VIT: variants seen among roughly 807,000 people sequenced by gnomAD.
The protein encoded by VIT is vitrin.
Under a neutral mutation model 78.0 loss-of-function variants are expected in VIT, and 99 were observed. The ratio of observed to expected loss-of-function variants is 1.27; its 90% confidence interval spans 1.08 to 1.50. The LOEUF is 1.50. Among genes scored for constraint, VIT ranks in the 40% most tolerant of loss-of-function variants. VIT has a pLI of 0.00. For missense variants in VIT, 1,126 were observed against 875.3 expected (o/e 1.29, Z -3.61); for synonymous variants, 374 against 334.3 (o/e 1.12, Z -1.29).
chr2:36,795,606 G>A (rs181180435), intron 12 of VIT, among the ~76,000 whole-genome samples: 2 of 151,774 alleles, frequency 1.3e-5, no homozygotes, highest in African/African-American at 4.8e-5. Flanking sequence ...GTGGAGACTG[G>A]GTTTCATCAT....
rs377013854 is a variant in VIT, at chr2:36,711,903, A to T, written c.-18-4450A>T. On this transcript the variant is annotated intron_variant, in intron 1 of 15. Coordinates refer to ENST00000379242, the MANE Select transcript of VIT (RefSeq NM_053276.4). ...GCTTCATTTGCCTCACCAGAACTAC[A>T]TATTTGGGATTCTTTATGTTATATC... Among the ~76,000 whole-genome samples the T allele has an allele frequency of 1.9e-3, 293 of 152,312 alleles. 2 individuals are homozygous for T. In the South Asian group the frequency reaches 0.022, roughly 12 times the overall value.
At chr2:36,755,137 T>C in intron 5 of VIT, 83 bp downstream of exon 5, 1 of 1,412,346 alleles carries the variant, frequency 7.1e-7, no homozygotes, top group Non-Finnish European at 9.4e-7. Flanking sequence ...GGTTTTTGTT[T>C]ATGGCCCACC....
At chr2:36,712,954 C>G (rs1331528817) in intron 1 of VIT, among the ~76,000 whole-genome samples, 1 of 152,226 alleles carries the variant, frequency 6.6e-6, no homozygotes, top group Non-Finnish European at 1.5e-5. Flanking sequence ...GCTCATTACT[C>G]ACACATTGAT....
At chr2:36,752,653 A>G (rs1221974165) in intron 4 of VIT, among the ~76,000 whole-genome samples, 1 of 151,346 alleles carries the variant, frequency 6.6e-6, no homozygotes, top group Non-Finnish European at 1.5e-5. Context: ...CTTTTTTCAG[A>G]CTCTCTCCCT....
At chr2:36,750,475 G>T (rs1293696752) in intron 4 of VIT, among the ~76,000 whole-genome samples, 1 of 152,054 alleles carries the variant, frequency 6.6e-6, no homozygotes, top group East Asian at 1.9e-4. Context: ...TCACACTTCC[G>T]AGGCAGTATA....
intron 12 of VIT, among the ~76,000 whole-genome samples, chr2:36,799,465 C>T (rs1023059985): frequency 3.3e-5 from 5 of 152,184 alleles, no homozygotes; most frequent in Non-Finnish European, 5.9e-5. Context: ...GTAATCTTGG[C>T]ACTTTGGGAG....
At chr2:36,716,764 T>A (rs1666160835) in intron 2 of VIT, among the ~76,000 whole-genome samples, 2 of 152,134 alleles carry the variant, frequency 1.3e-5, no homozygotes, top group South Asian at 4.1e-4. Context: ...ATTGTAAATT[T>A]AAGGATCTTC....
At chr2:36,794,882 A>G (rs139930551) in intron 12 of VIT, among the ~76,000 whole-genome samples, 189 of 152,300 alleles carry the variant, frequency 1.2e-3, no homozygotes, top group Middle Eastern at 3.4e-3. Context: ...AGAAGCACCT[A>G]TTCATTCATT....
intron 4 of VIT, among the ~76,000 whole-genome samples, chr2:36,752,230 A>G (rs1199353612): frequency 6.6e-6 from 1 of 152,224 alleles, no homozygotes; most frequent in Non-Finnish European, 1.5e-5. Flanking sequence ...TGTTTAAAGC[A>G]TGGCCAAGTG....
intron 3 of VIT, among the ~76,000 whole-genome samples, chr2:36,736,953 CT>C (rs1238888256): frequency 6.6e-6 from 1 of 152,080 alleles, no homozygotes; most frequent in Non-Finnish European, 1.5e-5. Context: ...ACTCTAAGAG[CT>C]TTTTTTATAC....
At chr2:36,806,764 C>G (rs763124929) in intron 14 of VIT, among the ~76,000 whole-genome samples, 1 of 151,976 alleles carries the variant, frequency 6.6e-6, no homozygotes, top group African/African-American at 2.4e-5. Flanking sequence ...GGGGTTTCAC[C>G]ATGTTAGCCA....
intron 3 of VIT, among the ~76,000 whole-genome samples, chr2:36,739,164 AT>A (rs1354145987): frequency 6.6e-6 from 1 of 151,366 alleles, no homozygotes; most frequent in Non-Finnish European, 1.5e-5. Context: ...TTATGTTATA[AT>A]TCTTCTTCAT....
chr2:36,753,071 T>C (rs984504369), intron 4 of VIT, among the ~76,000 whole-genome samples: 1 of 152,176 alleles, frequency 6.6e-6, no homozygotes, highest in Non-Finnish European at 1.5e-5. Context: ...ATGGATTAAA[T>C]TGGAAACCAT....
chr2:36,718,763 T>C (rs1666316776), intron 2 of VIT, among the ~76,000 whole-genome samples: 1 of 152,182 alleles, frequency 6.6e-6, no homozygotes, highest in Non-Finnish European at 1.5e-5. Flanking sequence ...ACTGGGCAAG[T>C]TCCAGGGGTC....
intron 15 of VIT, among the ~76,000 whole-genome samples, chr2:36,809,903 A>T (rs1010072952): frequency 1.4e-5 from 2 of 147,704 alleles, no homozygotes; most frequent in Non-Finnish European, 3.0e-5. Flanking sequence ...AGGTGGGAGG[A>T]TTACTTGAGC....
intron 9 of VIT, among the ~76,000 whole-genome samples, chr2:36,778,093 C>T (rs1001880879): frequency 3.9e-5 from 6 of 152,194 alleles, no homozygotes; most frequent in Admixed American, 3.3e-4. Flanking sequence ...CTGAAGCTCT[C>T]ATATGAAGGG....
intron 14 of VIT, 33 bp downstream of exon 14, chr2:36,805,697 A>G: frequency 6.3e-7 from 1 of 1,593,524 alleles, no homozygotes; most frequent in Non-Finnish European, 8.6e-7. Context: ...ACCCAACATC[A>G]GGATTTTCTG....
chr2:36,792,456 C>T (rs1237246582), intron 12 of VIT, among the ~76,000 whole-genome samples: 4 of 152,126 alleles, frequency 2.6e-5, no homozygotes, highest in African/African-American at 9.7e-5. Flanking sequence ...CAAACGACTG[C>T]GCTTGACTTC....
chr2:36,758,904 T>A (rs1668931136), intron 5 of VIT, 65 bp from the exon 6 acceptor site: 8 of 1,404,370 alleles, frequency 5.7e-6, no homozygotes, highest in Non-Finnish European at 8.0e-6. Flanking sequence ...ATCAACTTAG[T>A]ACAGAACCAT....
Sources: allele counts gnomAD v4.1 joint callset (sites outside exome capture counted in the v4.1 genomes callset), GRCh38; gene constraint gnomAD v4.1.1; transcripts MANE v1.5; gene names NCBI Gene and HGNC (gene_info 2026-07-23, HGNC 2026-07-21).